The following PLEKHH2 variants were observed in gnomAD, a reference collection of about 807,000 sequenced individuals.
The protein encoded by PLEKHH2 is pleckstrin homology, MyTH4 and FERM domain containing H2.
A neutral mutation model predicts 187.9 loss-of-function variants in PLEKHH2; 129 were observed. The observed-to-expected ratio is 0.69, with a 90% CI of 0.59 to 0.79. PLEKHH2 has a LOEUF of 0.79. Among genes scored for constraint, PLEKHH2 ranks in the 30% least tolerant of loss-of-function variants. PLEKHH2 has a pLI of 0.00. For missense variants in PLEKHH2, 2,076 were observed against 1,751.2 expected, an observed-to-expected ratio of 1.19 and a Z score of -3.31; for synonymous variants, 686 against 605.6, an observed-to-expected ratio of 1.13 and a Z score of -1.95.
chr2:43,746,496 C>T (rs1299807973), intron 24 of PLEKHH2, among the ~76,000 whole-genome samples: 1 of 151,742 alleles, frequency 6.6e-6, no homozygotes, highest in Non-Finnish European at 1.5e-5. Flanking sequence ...CCAGCCTGGG[C>T]AACAGAGTGA....
intron 17 of PLEKHH2, among the ~76,000 whole-genome samples, chr2:43,727,792 CT>C (rs1181474965): frequency 6.6e-6 from 1 of 152,124 alleles, no homozygotes; most frequent in Non-Finnish European, 1.5e-5. Context: ...TATTAGACCC[CT>C]ATCTCTAACC....
At chr2:43,705,081 C>CA (rs1669589930) in intron 9 of PLEKHH2, among the ~76,000 whole-genome samples, 1 of 151,886 alleles carries the variant, frequency 6.6e-6, no homozygotes, top group Non-Finnish European at 1.5e-5. Flanking sequence ...ATGCTCATTA[C>CA]AAAAAATAAA....
chr2:43,644,108 C>G (rs1179660285), intron 1 of PLEKHH2, among the ~76,000 whole-genome samples: 2 of 152,064 alleles, frequency 1.3e-5, no homozygotes, highest in South Asian at 2.1e-4. Flanking sequence ...AAGACTTAAC[C>G]TGGACCTGGC....
intron 14 of PLEKHH2, chr2:43,710,948 T>C (rs1669935127): frequency 3.0e-6 from 3 of 1,007,872 alleles, no homozygotes; most frequent in African/African-American, 3.5e-5. Context: ...GGAATGTTTG[T>C]ATTTTAATAT....
At position 43,758,815 on chromosome 2, in the gene PLEKHH2, A is replaced by G. The variant is rs931048376; in HGVS notation, c.3942-85A>G. ...TCACAGTTATGCTTAGGATTGGCTCAAGGAGAGTTTTATCTTAAGACTATG... is the reference window on the plus strand; with the variant it reads ...TCACAGTTATGCTTAGGATTGGCTCGAGGAGAGTTTTATCTTAAGACTATG... On this transcript the variant is annotated intron_variant, in intron 26 of 29. Coordinates refer to ENST00000282406, the MANE Select transcript of PLEKHH2 (RefSeq NM_172069.4). The G allele has an allele frequency of 8.1e-6, 10 of 1,228,660 alleles. No individual in the cohort carries two copies. The East Asian group carries it at 2.6e-4, about 32-fold the overall frequency. 76.1% of individuals were successfully genotyped at this position (1,228,660 alleles called of 1,614,324 possible).
At chr2:43,688,001 C>A (rs556308671) in intron 3 of PLEKHH2, among the ~76,000 whole-genome samples, 80 of 152,236 alleles carry the variant, frequency 5.3e-4, no homozygotes, top group African/African-American at 1.9e-3. Context: ...CGTTCCCACT[C>A]TTTTGCCCAG....
intron 2 of PLEKHH2, chr2:43,676,376 C>T (rs970137372): frequency 9.7e-6 from 14 of 1,442,472 alleles, no homozygotes; most frequent in Non-Finnish European, 1.3e-5. Context: ...GGACCGGGTC[C>T]TGGGGTCCCG....
Position 43,697,192 on chromosome 2 carries a change from C to G in PLEKHH2, c.524C>G (p.Ser175Cys), listed in dbSNP as rs1285023520. 1 of 1,584,944 alleles carries G rather than the reference C, an allele frequency of 6.3e-7. No homozygotes were observed. Among genetic ancestry groups the G allele is most frequent in the East Asian group, 2.3e-5 (1 of 44,356 alleles). ...KLQEVQGKKS[S>C]TVSTLKLSEG... ...GTAGAAGTTCAAGGAAAGAAGTCATCCACTGTCTCTACACTAAAGCTTTCG... is the reference window on the plus strand; with the variant it reads ...GTAGAAGTTCAAGGAAAGAAGTCATGCACTGTCTCTACACTAAAGCTTTCG... The change falls in exon 7 of 30, where the codon TCC becomes TGC. Residue 175 changes from serine (S) to cysteine (C), a missense_variant. Coordinates refer to ENST00000282406, the MANE Select transcript of PLEKHH2 (RefSeq NM_172069.4).
chr2:43,715,977 G>T (rs7582880), intron 15 of PLEKHH2, among the ~76,000 whole-genome samples: 36,839 of 152,054 alleles, frequency 0.24, 4,791 homozygotes, highest in African/African-American at 0.33. Context: ...GCAGAGGTCT[G>T]AGAGTAATGC....
chr2:43,747,373 C>T (rs1450579613), intron 24 of PLEKHH2, among the ~76,000 whole-genome samples: 1 of 152,044 alleles, frequency 6.6e-6, no homozygotes, highest in Non-Finnish European at 1.5e-5. Flanking sequence ...CGGGAGACCT[C>T]GGGAGGCTTC....
chr2:43,715,465 C>A (rs1014452210), intron 15 of PLEKHH2, among the ~76,000 whole-genome samples: 3 of 152,134 alleles, frequency 2.0e-5, no homozygotes, highest in Admixed American at 6.5e-5. Context: ...TGGGCATATT[C>A]ATGTTGCTAA....
chr2:43,714,507 A>T lies in PLEKHH2; in HGVS notation c.2460+2124A>T, dbSNP rs1214100220. 2.0e-5 allele frequency among the ~76,000 whole-genome samples: 3 copies of T among 152,178 alleles called. No homozygotes were observed. The East Asian group carries it at 5.8e-4, about 29-fold the overall frequency. On this transcript the variant is annotated intron_variant, in intron 15 of 29. Transcript: ENST00000282406. Reference sequence around the variant, plus strand: ...GCTCACATTCAGGCTGCAATATGAGATACTGTCAAATTGCATTTGAATACC... The same window carrying T: ...GCTCACATTCAGGCTGCAATATGAGTTACTGTCAAATTGCATTTGAATACC...
At chr2:43,735,886 T>C (rs930652977) in intron 19 of PLEKHH2, among the ~76,000 whole-genome samples, 2 of 152,156 alleles carry the variant, frequency 1.3e-5, no homozygotes, top group Non-Finnish European at 2.9e-5. Flanking sequence ...ATTTATAGAA[T>C]AGCAATACAT....
rs1057368549 is a variant in PLEKHH2, at chr2:43,734,791, G to A, written c.2943+3189G>A. Among the ~76,000 whole-genome samples the A allele has an allele frequency of 7.2e-5, 11 of 152,096 alleles. No homozygotes were observed. The South Asian group carries it at 1.5e-3, about 20-fold the overall frequency. On this transcript the variant is annotated intron_variant, in intron 19 of 29. Coordinates refer to ENST00000282406, the MANE Select transcript of PLEKHH2 (RefSeq NM_172069.4). ...TAAGTCAGTATATTGAAGAGATATC[G>A]GGATTCCTATATTTATTATAGCACT...
rs527722778 is a variant in PLEKHH2 at position 43,702,979 on chromosome 2, T to C, written c.1651-1002T>C. The stretch of plus-strand genomic sequence containing the variant: ...CTAGGGCTTCAGACTGCCTCCCGTC[T>C]CCTGCTTACTGCCCTTATTGTTATA... On this transcript the variant is annotated intron_variant, in intron 8 of 29. Transcript: ENST00000282406. Among the ~76,000 whole-genome samples the C allele has an allele frequency of 1.6e-4, 24 of 152,324 alleles. No individual in the cohort carries two copies. In the South Asian group the frequency reaches 4.8e-3, roughly 30 times the overall value.
chr2:43,656,856 A>G (rs1039902221), intron 2 of PLEKHH2, among the ~76,000 whole-genome samples: 7 of 152,130 alleles, frequency 4.6e-5, no homozygotes, highest in African/African-American at 1.7e-4. Context: ...TGTCTCTACT[A>G]AAAATACAAA....
chr2:43,710,979 C>A lies in PLEKHH2; in HGVS notation c.2301+404C>A. On this transcript the variant is annotated intron_variant, in intron 14 of 29. Transcript: ENST00000282406. ...AATATAGAATCTGAAAATGACAGTT[C>A]TTATATGAACTTCAGATGCCATAAC... 3 of 1,000,520 alleles carry A rather than the reference C, an allele frequency of 3.0e-6. No homozygotes were observed. In the South Asian group the frequency reaches 1.4e-4, roughly 45 times the overall value. The allele number at this position is 1,000,520 out of a possible 1,614,324, so 62.0% of individuals were successfully genotyped here. A position where few individuals can be genotyped will look rare whatever the true frequency, so the allele number is the denominator to read the frequency against.
At position 43,736,816 on chromosome 2, in the gene PLEKHH2, G is replaced by A. The variant is rs549237492; in HGVS notation, c.2944-1525G>A. Among the ~76,000 whole-genome samples the A allele has an allele frequency of 4.9e-4, 75 of 152,156 alleles. 2 individuals are homozygous for A. Among genetic ancestry groups the A allele is most frequent in the African/African-American group, 3.1e-4 (13 of 41,536 alleles). On this transcript the variant is annotated intron_variant, in intron 19 of 29. Transcript: ENST00000282406. The stretch of plus-strand genomic sequence containing the variant: ...AGCCTGGGCAACAGAGCAAGACTCC[G>A]TCTAAAAAATAAATAAATCAATCAA...
chr2:43,754,202 ACAC>A lies in PLEKHH2; in HGVS notation c.3795+443_3795+445del, dbSNP rs1387925111. On this transcript the variant is annotated intron_variant, in intron 25 of 29. Transcript: ENST00000282406. The stretch of plus-strand genomic sequence containing the variant: ...CACACACACACACACACACACACAC[ACAC>A]AAAATTAATACTGACTTAATCAGAA... Among the ~76,000 whole-genome samples, 583 of 110,314 alleles carry A rather than the reference ACAC, an allele frequency of 5.3e-3. 9 individuals carry two copies. Among genetic ancestry groups the A allele is most frequent in the African/African-American group, 0.023 (551 of 24,404 alleles). The allele number at this position is 110,314 out of a possible 152,430, so 72.4% of individuals were successfully genotyped here.
Sources: gnomAD v4.1 joint callset for allele counts (sites outside exome capture counted in the v4.1 genomes callset) on GRCh38, gnomAD v4.1.1 for gene constraint, MANE v1.5 for transcripts, NCBI Gene and HGNC (gene_info 2026-07-23, HGNC 2026-07-21) for gene names.